CFAP77: variants seen among roughly 807,000 people sequenced by gnomAD.
CFAP77 encodes the protein cilia and flagella associated protein 77.
Under a neutral mutation model 31.1 loss-of-function variants are expected in CFAP77, and 25 were observed. The ratio of observed to expected loss-of-function variants is 0.80; its 90% CI spans 0.59 to 1.12. CFAP77 has a LOEUF of 1.12. Among genes scored for constraint, CFAP77 ranks in the 50% most tolerant of loss-of-function variants. The pLI is 0.00. For synonymous variants in CFAP77, 151 were observed against 159.9 expected, an observed-to-expected ratio of 0.94 and a Z score of 0.42; for missense variants, 377 against 397.3, an observed-to-expected ratio of 0.95 and a Z score of 0.44.
Position 132,498,855 on chromosome 9 carries a change from A to G in CFAP77, c.295+61A>G. ...GTGGGAGGGAGGCTCACCCCTCTTCACAGACCCCTTGACCTAGCTCGCTGC... is the reference window on the plus strand; with the variant it reads ...GTGGGAGGGAGGCTCACCCCTCTTCGCAGACCCCTTGACCTAGCTCGCTGC... On this transcript the variant is annotated intron_variant, in intron 2 of 5. Coordinates refer to ENST00000393216, the MANE Select transcript of CFAP77 (RefSeq NM_001282957.2). The surrounding 1 kb of genome is among the most constrained non-coding windows in gnomAD (Gnocchi z 4.2). 8.1e-7 allele frequency: 1 copy of G among 1,232,356 alleles called. No individual in the cohort carries two copies. The highest frequency in any genetic ancestry group is 1.3e-5 in the South Asian group (1 of 77,522). The allele number at this position is 1,232,356 out of a possible 1,614,324, so 76.3% of individuals were successfully genotyped here.
Position 132,541,541 on chromosome 9 carries a change from C to T in CFAP77, c.631-1405C>T, listed in dbSNP as rs1484117480. Among the ~76,000 whole-genome samples the T allele has an allele frequency of 7.2e-5, 11 of 152,244 alleles. No individual in the cohort carries two copies. In the East Asian group the frequency reaches 9.7e-4, roughly 13 times the overall value. ...GAATTTGAGACCAGCCTGGCCAACA[C>T]GGCAAAACCCTGTCTTTACTAAAAA... is the stretch of plus-strand genomic sequence containing the variant. On this transcript the variant is annotated intron_variant, in intron 4 of 5. Transcript: ENST00000393216.
chr9:132,411,345 C>T (rs1286857205), intron 1 of CFAP77, among the ~76,000 whole-genome samples: 1 of 152,220 alleles, frequency 6.6e-6, no homozygotes, highest in Non-Finnish European at 1.5e-5. Flanking sequence ...ATTTGTGTGA[C>T]CGCCAGGCGC....
At chr9:132,461,283 C>T (rs1190355165) in intron 1 of CFAP77, among the ~76,000 whole-genome samples, 3 of 152,154 alleles carry the variant, frequency 2.0e-5, no homozygotes, top group African/African-American at 7.2e-5. Context: ...AGACAAAACC[C>T]ACGCATTGGA....
At chr9:132,485,479 C>T (rs1851525490) in intron 1 of CFAP77, among the ~76,000 whole-genome samples, 2 of 152,176 alleles carry the variant, frequency 1.3e-5, no homozygotes, top group South Asian at 4.1e-4. Context: ...AATCATGCGC[C>T]AAATGGTTTC....
At chr9:132,423,813 C>G (rs189505932) in intron 1 of CFAP77, among the ~76,000 whole-genome samples, 1 of 152,348 alleles carries the variant, frequency 6.6e-6, no homozygotes, top group East Asian at 1.9e-4. Flanking sequence ...TTGGGGCTGG[C>G]AGTGTGGCCT....
Position 132,511,415 on chromosome 9 carries a change from C to T in CFAP77, c.524+11815C>T, listed in dbSNP as rs1055240884. 6.6e-6 allele frequency among the ~76,000 whole-genome samples: 1 copy of T among 152,224 alleles called. No homozygotes were observed. The highest frequency in any genetic ancestry group is 2.4e-5 in the African/African-American group (1 of 41,454). On this transcript the variant is annotated intron_variant, in intron 3 of 5. Coordinates refer to ENST00000393216, the MANE Select transcript of CFAP77 (RefSeq NM_001282957.2). This position sits in a 1 kb window ranked among gnomAD's most constrained non-coding sequence, Gnocchi z 5.8. ...GAGAGGCCACCCTGTGTGGCCACTGCCTGCAGACCTGAGCATCTCCCCCAC... is the reference window on the plus strand; with the variant it reads ...GAGAGGCCACCCTGTGTGGCCACTGTCTGCAGACCTGAGCATCTCCCCCAC...
rs1852712230 is a variant in CFAP77 at position 132,545,136 on chromosome 9, A to G, written c.732+2089A>G. ...CACATAGAATGAGTTTCCATTTTCC[A>G]AAGAGGGGATTTGACTCAGCTGACC... On this transcript the variant is annotated intron_variant, in intron 5 of 5. Coordinates refer to ENST00000393216, the MANE Select transcript of CFAP77 (RefSeq NM_001282957.2). The surrounding 1 kb of genome is among the most constrained non-coding windows in gnomAD (Gnocchi z 4.6). 6.6e-6 allele frequency among the ~76,000 whole-genome samples: 1 copy of G among 152,096 alleles called. No homozygotes were observed. Among genetic ancestry groups the G allele is most frequent in the Non-Finnish European group, 1.5e-5 (1 of 68,032 alleles).
chr9:132,572,261 T>G, intron 5 of CFAP77, 127 bp from the exon 6 acceptor site: 1 of 1,221,474 alleles, frequency 8.2e-7, no homozygotes, highest in Non-Finnish European at 1.1e-6. Flanking sequence ...TTGCTGTGAC[T>G]TCCTCCCTCT....
At chr9:132,567,958 C>A (rs1829906701) in intron 5 of CFAP77, among the ~76,000 whole-genome samples, 1 of 152,140 alleles carries the variant, frequency 6.6e-6, no homozygotes, top group African/African-American at 2.4e-5. Context: ...TCTGCAAAGA[C>A]CCTGTTTCCA....
chr9:132,510,666 G>A (rs1003926263), intron 3 of CFAP77, among the ~76,000 whole-genome samples: 3 of 152,170 alleles, frequency 2.0e-5, no homozygotes, highest in Non-Finnish European at 2.9e-5. Flanking sequence ...GATACATCCC[G>A]TCGGTGGCCA....
At chr9:132,558,737 G>T (rs1852943785) in intron 5 of CFAP77, among the ~76,000 whole-genome samples, 1 of 151,474 alleles carries the variant, frequency 6.6e-6, no homozygotes, top group Non-Finnish European at 1.5e-5. Flanking sequence ...ATAAGGACGG[G>T]TGCGGTGGCT....
chr9:132,548,286 G>GGGGGGGGGGGGGGGGGCC (rs1564248910), intron 5 of CFAP77, among the ~76,000 whole-genome samples: 1 of 128,886 alleles, frequency 7.8e-6, no homozygotes, highest in African/African-American at 2.9e-5. Context: ...GGGGGGTGGG[G>GGGGGGGGGGGGGGGGGCC]GGTGAAGCTG....
intron 1 of CFAP77, among the ~76,000 whole-genome samples, chr9:132,436,264 GCCGCATCA>G (rs2131696824): frequency 6.6e-6 from 1 of 152,204 alleles, no homozygotes; most frequent in East Asian, 1.9e-4. Flanking sequence ...TTGACTTGTG[GCCGCATCA>G]CTCTGATCTC....
chr9:132,463,627 G>A lies in CFAP77; in HGVS notation c.196-35068G>A, dbSNP rs570461143. ...GTGATACAGCAGGAAAGGGGTCACC[G>A]GGCTAATGACGCTAAGGGGGAGGGG... On this transcript the variant is annotated intron_variant, in intron 1 of 5. Coordinates refer to ENST00000393216, the MANE Select transcript of CFAP77 (RefSeq NM_001282957.2). Among the ~76,000 whole-genome samples the A allele has an allele frequency of 2.0e-5, 3 of 152,308 alleles. No individual in the cohort carries two copies. In the South Asian group the frequency reaches 6.2e-4, roughly 32 times the overall value.
intron 1 of CFAP77, among the ~76,000 whole-genome samples, chr9:132,438,146 G>A (rs1169221318): frequency 7.1e-6 from 1 of 141,620 alleles, no homozygotes; most frequent in African/African-American, 2.6e-5. Context: ...AGGTTGTATT[G>A]AGCCAAGATT....
At chr9:132,436,121 GA>G (rs1198709760) in intron 1 of CFAP77, among the ~76,000 whole-genome samples, 1 of 152,160 alleles carries the variant, frequency 6.6e-6, no homozygotes, top group Admixed American at 6.5e-5. Flanking sequence ...GAAATAATAA[GA>G]AATGTATTCT....
chr9:132,562,042 A>G (rs1240797591), intron 5 of CFAP77, among the ~76,000 whole-genome samples: 1 of 152,222 alleles, frequency 6.6e-6, no homozygotes, highest in Non-Finnish European at 1.5e-5. Flanking sequence ...GATAAGCCCA[A>G]CTGGAGGGGC....
In CFAP77 at chr9:132,424,109, T is replaced by TA. The variant is rs1041346164; in HGVS notation, c.195+13650dup. 5.3e-5 allele frequency among the ~76,000 whole-genome samples: 8 copies of TA among 151,978 alleles called. No homozygotes were observed. Among genetic ancestry groups the TA allele is most frequent in the Admixed American group, 2.0e-4 (3 of 15,248 alleles). ...ATGCAGCCAAGACATCCATGGCTGT[T>TA]AAAAAAAGAGTTAGGAGGCCGGGTG... is the stretch of plus-strand genomic sequence containing the variant. On this transcript the variant is annotated intron_variant, in intron 1 of 5. Coordinates refer to ENST00000393216, the MANE Select transcript of CFAP77 (RefSeq NM_001282957.2). The surrounding 1 kb of genome is among the most constrained non-coding windows in gnomAD (Gnocchi z 4.1).
chr9:132,460,283 T>C (rs1475613976), intron 1 of CFAP77, among the ~76,000 whole-genome samples: 1 of 152,114 alleles, frequency 6.6e-6, no homozygotes, highest in Non-Finnish European at 1.5e-5. Flanking sequence ...GGGCCTTGGG[T>C]AAGTGACTTG....
Sources: gnomAD v4.1 joint callset for allele counts (sites outside exome capture counted in the v4.1 genomes callset) on GRCh38, gnomAD v4.1.1 for gene constraint, Gnocchi (gnomAD v3.1) non-coding constraint, MANE v1.5 for transcripts, NCBI Gene and HGNC (gene_info 2026-07-23, HGNC 2026-07-21) for gene names.